Variants in CEP83 observed in about 807,000 individuals in gnomAD.
CEP83 encodes centrosomal protein 83.
Under a neutral mutation model 101.9 loss-of-function variants are expected in CEP83, and 70 were observed. That is an observed-to-expected ratio of 0.69 (90% CI 0.57 to 0.84). The LOEUF (loss-of-function observed/expected upper bound fraction) is 0.84, where lower values mean the gene tolerates loss of function less well. CEP83 is among the 40% of genes least tolerant of loss of function. CEP83 has a pLI of 0.00. For synonymous variants in CEP83, 264 were observed against 267.9 expected, an observed-to-expected ratio of 0.99 and a Z score of 0.14; for missense variants, 715 against 787.2, an observed-to-expected ratio of 0.91 and a Z score of 1.10.
chr12:94,295,264 G>A, the CEP83 span, among the ~76,000 whole-genome samples: 2 of 152,220 alleles, frequency 1.3e-5, no homozygotes, highest in African/African-American at 4.8e-5. Context: ...CATCTGGCCA[G>A]TGCAAACAGG....
intron 2 of CEP83, among the ~76,000 whole-genome samples, chr12:94,433,406 C>A (rs150350590): frequency 2.0e-5 from 3 of 152,042 alleles, no homozygotes; most frequent in African/African-American, 7.2e-5. Context: ...TGAAGCCAGG[C>A]GCAGTGGCTC....
intron 13 of CEP83, among the ~76,000 whole-genome samples, chr12:94,332,364 T>TTTAGTAAAGCTATTCTGC (rs1234453989): frequency 1.3e-5 from 2 of 152,200 alleles, no homozygotes; most frequent in Non-Finnish European, 2.9e-5. Flanking sequence ...GCATACTTTA[T>TTTAGTAAAGCTATTCTGC]ATGATTTTTT....
At chr12:94,346,675 A>G (rs7967917) in intron 11 of CEP83, among the ~76,000 whole-genome samples, 86,772 of 151,968 alleles carry the variant, frequency 0.57, 24,808 homozygotes, top group Admixed American at 0.6. Context: ...CTATCTCCAT[A>G]TAGAGAGCAG....
intron 1 of CEP83, among the ~76,000 whole-genome samples, chr12:94,436,712 T>C (rs1347455053): frequency 6.6e-6 from 1 of 151,376 alleles, no homozygotes; most frequent in Non-Finnish European, 1.5e-5. Context: ...GCACCTGTAG[T>C]CCCAGCTACT....
At chr12:94,281,571 T>A in the CEP83 span, among the ~76,000 whole-genome samples, 8 of 147,870 alleles carry the variant, frequency 5.4e-5, no homozygotes, top group African/African-American at 1.5e-4. Context: ...CAGTTTTTTA[T>A]ATGCAACTTA....
intron 2 of CEP83, among the ~76,000 whole-genome samples, chr12:94,415,781 T>C (rs2064221668): frequency 6.6e-6 from 1 of 152,032 alleles, no homozygotes; most frequent in Admixed American, 6.5e-5. Flanking sequence ...TGGTAACTAA[T>C]GGGACAAGAA....
intron 6 of CEP83, among the ~76,000 whole-genome samples, chr12:94,398,748 T>A (rs1051735668): frequency 2.0e-5 from 3 of 152,114 alleles, no homozygotes; most frequent in Non-Finnish European, 2.9e-5. Flanking sequence ...AGACATGCAA[T>A]AAGGAAGATA....
At chr12:94,339,660 T>C (rs1307087188) in intron 11 of CEP83, among the ~76,000 whole-genome samples, 3 of 152,232 alleles carry the variant, frequency 2.0e-5, no homozygotes, top group Non-Finnish European at 4.4e-5. Context: ...ATTTTTCTAC[T>C]GTGATTTCTC....
chr12:94,368,246 A>G, intron 9 of CEP83, 45 bp from the exon 10 acceptor site: 1 of 1,474,416 alleles, frequency 6.8e-7, no homozygotes, highest in African/African-American at 1.4e-5. Flanking sequence ...CAATGTTATT[A>G]AGATGAAAAA....
At chr12:94,400,787 T>A (rs1262838400) in intron 6 of CEP83, 63 bp downstream of exon 6, 13 of 1,020,362 alleles carry the variant, frequency 1.3e-5, no homozygotes, top group African/African-American at 1.7e-5. Flanking sequence ...TTTAAAAATA[T>A]ATAATTATAA....
Position 94,308,866 on chromosome 12 carries a change from GTTC to G in CEP83, c.2050_2052del (p.Glu684del). The stretch of plus-strand genomic sequence containing the variant: ...AGTTGTTTTCTTTGTGTTGTTTCCA[GTTC>G]TTCTAGTCTTTTGCGAAGTAGAGAG... On this transcript the variant is annotated inframe_deletion, in exon 17 of 17. Transcript: ENST00000397809. The G allele has an allele frequency of 6.2e-7, 1 of 1,612,938 alleles. No individual in the cohort carries two copies. Among genetic ancestry groups the G allele is most frequent in the South Asian group, 1.1e-5 (1 of 91,038 alleles).
intron 14 of CEP83, among the ~76,000 whole-genome samples, chr12:94,323,569 G>T (rs1347026325): frequency 6.6e-6 from 1 of 152,088 alleles, no homozygotes; most frequent in Non-Finnish European, 1.5e-5. Context: ...CGTGTACCTG[G>T]ATGCTTCAGT....
intron 11 of CEP83, among the ~76,000 whole-genome samples, chr12:94,362,613 G>A (rs2060825703): frequency 6.6e-6 from 1 of 152,174 alleles, no homozygotes; most frequent in South Asian, 2.1e-4. Flanking sequence ...CTCCAGCCTA[G>A]GTGACAGAGT....
chr12:94,412,693 CTTT>C (rs11330562), intron 2 of CEP83, 102 bp from the exon 3 acceptor site: 2,567 of 212,198 alleles, frequency 0.012, no homozygotes, highest in South Asian at 0.017. Flanking sequence ...TTTTTTTTTT[CTTT>C]TTTTTTTTTT....
intron 11 of CEP83, among the ~76,000 whole-genome samples, chr12:94,336,299 C>T (rs1301131453): frequency 6.6e-6 from 1 of 152,140 alleles, no homozygotes; most frequent in Non-Finnish European, 1.5e-5. Context: ...CTCTAGTGAC[C>T]AAATGAGTAA....
At chr12:94,294,043 A>C in the CEP83 span, among the ~76,000 whole-genome samples, 260 of 152,290 alleles carry the variant, frequency 1.7e-3, 2 homozygotes, top group East Asian at 0.027. Flanking sequence ...AAACATAGGA[A>C]TCTGGAGGAG....
At chr12:94,313,582 T>TA (rs1196113761) in intron 14 of CEP83, among the ~76,000 whole-genome samples, 2 of 142,382 alleles carry the variant, frequency 1.4e-5, no homozygotes, top group Non-Finnish European at 3.0e-5. Context: ...CTCACGCCTA[T>TA]AATCCCAGCA....
At chr12:94,284,374 G>A in the CEP83 span, among the ~76,000 whole-genome samples, 13 of 152,248 alleles carry the variant, frequency 8.5e-5, no homozygotes, top group South Asian at 2.3e-3. Context: ...ATCCAGAAAT[G>A]AGCAAGAGCA....
intron 1 of CEP83, 94 bp from the exon 2 acceptor site, chr12:94,435,421 C>A (rs2065914646): frequency 6.6e-6 from 1 of 152,176 alleles, no homozygotes; most frequent in Non-Finnish European, 1.5e-5. Context: ...CATTTGTCCT[C>A]TAACGATACT....
Sources: gnomAD v4.1 joint callset for allele counts (sites outside exome capture counted in the v4.1 genomes callset) on GRCh38, gnomAD v4.1.1 for gene constraint, MANE v1.5 for transcripts, NCBI Gene and HGNC (gene_info 2026-07-23, HGNC 2026-07-21) for gene names.